The following CPEB2 variants were observed in gnomAD, a reference collection of about 807,000 sequenced individuals.
The protein encoded by CPEB2 is cytoplasmic polyadenylation element-binding protein 2.
A neutral mutation model predicts 93.6 loss-of-function variants in CPEB2; 56 were observed. The observed-to-expected ratio is 0.60, with a 90% CI of 0.48 to 0.75. The LOEUF (loss-of-function observed/expected upper bound fraction) is 0.75. CPEB2 is among the 30% of genes least tolerant of loss of function. CPEB2 has a pLI of 0.00. For missense variants in CPEB2, 1,579 were observed against 1,395.1 expected, an observed-to-expected ratio of 1.13 and a Z score of -2.10; for synonymous variants, 764 against 586.3, an observed-to-expected ratio of 1.30 and a Z score of -4.38.
intron 4 of CPEB2, among the ~76,000 whole-genome samples, chr4:15,030,157 G>T (rs73797783): frequency 0.021 from 3,195 of 151,642 alleles, 117 homozygotes; most frequent in African/African-American, 0.073. Flanking sequence ...TAGTAATGTG[G>T]TTTTTTTTCT....
intron 7 of CPEB2, 71 bp downstream of exon 7, chr4:15,052,655 G>A (rs1728340330): frequency 1.9e-6 from 2 of 1,030,044 alleles, no homozygotes; most frequent in Admixed American, 3.0e-5. Flanking sequence ...GAAATTTAAT[G>A]TGAATGGACT....
rs1369102456 is a variant in CPEB2, at chr4:15,069,445, C to T, written c.*3065C>T. 2.6e-5 allele frequency: 4 copies of T among 152,210 alleles called. No homozygotes were observed. The highest frequency in any genetic ancestry group is 5.9e-5 in the Non-Finnish European group (4 of 67,822). The allele number at this position is 152,210 out of a possible 1,614,324, so 9.4% of individuals were successfully genotyped here. A position where few individuals can be genotyped will look rare whatever the true frequency, so the allele number is the denominator to read the frequency against. On this transcript the variant is annotated 3_prime_UTR_variant, in exon 12 of 12. Coordinates refer to ENST00000538197, the MANE Select transcript of CPEB2 (RefSeq NM_001177382.2). ...TCATTTTTTACTGTCAGAAAAGATACCCCTTTTGTCATTGCAACTATTTTT... is the reference window on the plus strand; with the variant it reads ...TCATTTTTTACTGTCAGAAAAGATATCCCTTTTGTCATTGCAACTATTTTT...
rs1729895050 is a variant in CPEB2, at chr4:15,068,953, T to TCTAA, written c.*2576_*2579dup. The TCTAA allele has an allele frequency of 6.7e-6, 1 of 150,054 alleles. No homozygotes were observed. The allele number at this position is 150,054 out of a possible 1,614,324, so 9.3% of individuals were successfully genotyped here. A position where few individuals can be genotyped will look rare whatever the true frequency, so the allele number is the denominator to read the frequency against. ...CCCTTTATGTACTACATTCTTATTT[T>TCTAA]CTAACTTTTAAACACTGTATTGGAG... On this transcript the variant is annotated 3_prime_UTR_variant, in exon 12 of 12. Coordinates refer to ENST00000538197, the MANE Select transcript of CPEB2 (RefSeq NM_001177382.2).
chr4:15,017,528 A>G (rs982501759), intron 4 of CPEB2: 5 of 285,036 alleles, frequency 1.8e-5, no homozygotes, highest in Non-Finnish European at 3.2e-5. Context: ...AGTTCACCAG[A>G]GAATGAAGGA....
intron 3 of CPEB2, among the ~76,000 whole-genome samples, chr4:15,013,764 T>C (rs1269203451): frequency 6.6e-6 from 1 of 152,108 alleles, no homozygotes; most frequent in Non-Finnish European, 1.5e-5. Flanking sequence ...TTTGTTGCTT[T>C]AAAAATCACA....
chr4:15,014,304 T>C (rs947782322), intron 3 of CPEB2, among the ~76,000 whole-genome samples: 4 of 152,042 alleles, frequency 2.6e-5, no homozygotes, highest in Non-Finnish European at 5.9e-5. Context: ...TTTGTGAGGA[T>C]TTAGGGTAAG....
chr4:15,054,166 G>A lies in CPEB2; in HGVS notation c.2410G>A (p.Val804Ile). 1 of 1,611,138 alleles carries A rather than the reference G, an allele frequency of 6.2e-7. No homozygotes were observed. Among genetic ancestry groups the A allele is most frequent in the Non-Finnish European group, 8.5e-7 (1 of 1,178,830 alleles). Reference sequence around the variant, plus strand: ...TAGCTTCAGAAGATTTGGGCCTTTGGTAGTAGATTGGCCTCATAAAGCAGA... The same window carrying A: ...TAGCTTCAGAAGATTTGGGCCTTTGATAGTAGATTGGCCTCATAAAGCAGA... The part of the protein sequence containing the change: ...TASFRRFGPL[V>I]VDWPHKAESK... Residue 804 changes from valine to isoleucine, a missense_variant, in exon 8 of 12, where the codon GTA becomes ATA. Val to Ile is a conservative substitution (Grantham distance 29). Around this residue, in one of 2 missense-constraint regions of CPEB2, gnomAD observed 168 missense variants for 339.1 expected, o/e 0.50. Coordinates refer to ENST00000538197, the MANE Select transcript of CPEB2 (RefSeq NM_001177382.2).
chr4:15,028,577 G>A (rs1725729536), intron 4 of CPEB2, among the ~76,000 whole-genome samples: 1 of 152,022 alleles, frequency 6.6e-6, no homozygotes, highest in Non-Finnish European at 1.5e-5. Context: ...GACAGAAAAT[G>A]TTAGATGATA....
rs1443730481 is a variant in CPEB2 at position 15,003,634 on chromosome 4, C to G, written c.961C>G (p.Leu321Val). 2 of 1,482,636 alleles carry G rather than the reference C, an allele frequency of 1.3e-6. No individual in the cohort carries two copies. Among genetic ancestry groups the G allele is most frequent in the Non-Finnish European group, 1.8e-6 (2 of 1,121,076 alleles). The allele number at this position is 1,482,636 out of a possible 1,614,324, so 91.8% of individuals were successfully genotyped here. Residue 321 changes from leucine to valine, a missense_variant, in exon 1 of 12, where the codon CTG (leucine) becomes GTG (valine). Physicochemically the swap from Leu to Val is conservative, Grantham distance 32. Transcript: ENST00000538197. ...CTCCATGGAGTCCCCCAACCACCCT[C>G]TGCTCAACAGTCCCAGTAACCTCCT... ...PGSMESPNHP[L>V]LNSPSNLLPG... is the part of the protein sequence containing the mutation.
At chr4:15,051,296 G>T (rs1390208201) in intron 6 of CPEB2, among the ~76,000 whole-genome samples, 1 of 152,128 alleles carries the variant, frequency 6.6e-6, no homozygotes, top group African/African-American at 2.4e-5. Context: ...TAAATGTCTC[G>T]TTAGCCTGTC....
intron 5 of CPEB2, among the ~76,000 whole-genome samples, chr4:15,033,634 C>T (rs1029587592): frequency 2.0e-5 from 3 of 152,176 alleles, no homozygotes; most frequent in Admixed American, 6.5e-5. Context: ...AAGGAATATA[C>T]TGGTAACTCT....
intron 8 of CPEB2, among the ~76,000 whole-genome samples, chr4:15,056,593 C>G (rs1421017837): frequency 6.6e-6 from 1 of 152,014 alleles, no homozygotes; most frequent in African/African-American, 2.4e-5. Flanking sequence ...GACCAGTATC[C>G]CCAAACCTTG....
intron 6 of CPEB2, among the ~76,000 whole-genome samples, 180 bp from the exon 7 acceptor site, chr4:15,052,234 A>ATTGCTTCT (rs1728299607): frequency 6.6e-6 from 1 of 151,984 alleles, no homozygotes; most frequent in South Asian, 2.1e-4. Flanking sequence ...CACTCTTTAG[A>ATTGCTTCT]TTGCTTCTTT....
rs745466154 is a variant in CPEB2 at position 15,008,272 on chromosome 4, C to G, written c.1945-66C>G. 399 of 1,087,552 alleles carry G rather than the reference C, an allele frequency of 3.7e-4. 1 individual carries two copies. The highest frequency in any genetic ancestry group is 6.0e-4 in the Middle Eastern group (3 of 5,012). 67.4% of individuals were successfully genotyped at this position (1,087,552 alleles called of 1,614,324 possible). A position where few individuals can be genotyped will look rare whatever the true frequency, so the allele number is the denominator to read the frequency against. On this transcript the variant is annotated intron_variant, in intron 2 of 11. Coordinates refer to ENST00000538197, the MANE Select transcript of CPEB2 (RefSeq NM_001177382.2). ...GCTTTATTTTTTGTTTTCTTTCTTT[C>G]TTTCGTTGGGTGGGTATGGGGAAGA...
chr4:15,064,693 G>A (rs770821122), intron 11 of CPEB2, among the ~76,000 whole-genome samples: 7 of 152,180 alleles, frequency 4.6e-5, no homozygotes, highest in East Asian at 3.9e-4. Context: ...TCTAGGCACT[G>A]GGAACTGAAT....
chr4:15,012,488 T>C (rs1197226164), intron 3 of CPEB2, among the ~76,000 whole-genome samples: 7 of 152,126 alleles, frequency 4.6e-5, no homozygotes, highest in Non-Finnish European at 8.8e-5. Context: ...ATACTATTCT[T>C]TGTCTTGGAG....
At chr4:15,036,147 C>T (rs1014807830) in intron 5 of CPEB2, among the ~76,000 whole-genome samples, 3 of 152,100 alleles carry the variant, frequency 2.0e-5, no homozygotes, top group Admixed American at 6.6e-5. Context: ...TAACTCTAAG[C>T]ATCTGTTAAC....
At chr4:15,010,302 C>A (rs1339477183) in intron 3 of CPEB2, among the ~76,000 whole-genome samples, 1 of 152,158 alleles carries the variant, frequency 6.6e-6, no homozygotes, top group African/African-American at 2.4e-5. Context: ...TTTCTCTGAT[C>A]TGTTTTGGCC....
intron 8 of CPEB2, among the ~76,000 whole-genome samples, chr4:15,055,427 A>C (rs550414108): frequency 2.0e-5 from 3 of 152,162 alleles, no homozygotes; most frequent in Admixed American, 2.0e-4. Context: ...AGTGTTGTCC[A>C]TAGTTTTACT....
Sources: gnomAD v4.1 joint callset for allele counts (sites outside exome capture counted in the v4.1 genomes callset) on GRCh38, gnomAD v4.1.1 for gene constraint, gnomAD v4.1.1 regional missense constraint, MANE v1.5 for transcripts, NCBI Gene and HGNC (gene_info 2026-07-23, HGNC 2026-07-21) for gene names.